Variants in BCKDHB observed in about 807,000 individuals in gnomAD.
BCKDHB encodes the protein branched chain keto acid dehydrogenase E1 subunit beta.
Under a neutral mutation model 48.5 loss-of-function variants are expected in BCKDHB, and 41 were observed. That is an observed-to-expected ratio of 0.85 (90% CI 0.66 to 1.10). BCKDHB has a LOEUF of 1.10. Ranked by LOEUF, BCKDHB falls within the 50% of genes least tolerant of loss-of-function variation. The pLI is 0.00. For missense variants in BCKDHB, 496 were observed against 494.2 expected (o/e 1.00, Z -0.03); for synonymous variants, 201 against 174.8 (o/e 1.15, Z -1.18).
the BCKDHB span, chr6:80,453,205 A>T: frequency 6.6e-6 from 1 of 152,186 alleles, no homozygotes; most frequent in Non-Finnish European, 1.5e-5. Flanking sequence ...CCTCCAGTCA[A>T]TGAAATTTCC....
chr6:80,434,142 A>G, the BCKDHB span, among the ~76,000 whole-genome samples: 1 of 151,954 alleles, frequency 6.6e-6, no homozygotes, highest in Non-Finnish European at 1.5e-5. Flanking sequence ...TTTTTCTGCC[A>G]TTATATTCTG....
chr6:80,106,836 G>A lies in BCKDHB; in HGVS notation c.143G>A (p.Arg48Lys). 1 of 1,610,254 alleles carries A rather than the reference G, an allele frequency of 6.2e-7. No individual in the cohort carries two copies. The highest frequency in any genetic ancestry group is 1.7e-5 in the Admixed American group (1 of 59,814). ...PAATVEDAAQRRQVAHFTFQP... is the reference protein window; with the variant it reads ...PAATVEDAAQKRQVAHFTFQP... Reference sequence around the variant, plus strand: ...GCGACTGTCGAGGATGCGGCCCAGAGGCGGCAGGTGGCTCATTTTACTTTC... The same window carrying A: ...GCGACTGTCGAGGATGCGGCCCAGAAGCGGCAGGTGGCTCATTTTACTTTC... Residue 48 changes from arginine (R) to lysine (K), a missense_variant, in exon 1 of 10, where the codon AGG becomes AAG. Coordinates refer to ENST00000320393, the MANE Select transcript of BCKDHB (RefSeq NM_183050.4).
the BCKDHB span, among the ~76,000 whole-genome samples, chr6:80,403,252 A>G: frequency 4.0e-5 from 6 of 151,898 alleles, no homozygotes; most frequent in East Asian, 9.7e-4. Flanking sequence ...CTTTCCATGT[A>G]TTTTTGTTTA....
chr6:80,253,378 T>G (rs1433871073), intron 8 of BCKDHB, among the ~76,000 whole-genome samples: 1 of 152,220 alleles, frequency 6.6e-6, no homozygotes, highest in Admixed American at 6.5e-5. Context: ...GATGGTCTTT[T>G]CAGGTTTCAC....
chr6:80,183,483 T>C (rs868782425), intron 6 of BCKDHB, among the ~76,000 whole-genome samples: 1 of 152,172 alleles, frequency 6.6e-6, no homozygotes. Flanking sequence ...AATTGAGAGA[T>C]AGACATGGAG....
chr6:80,360,936 CGGA>C, the BCKDHB span, among the ~76,000 whole-genome samples: 1 of 138,478 alleles, frequency 7.2e-6, no homozygotes, highest in South Asian at 2.2e-4. Flanking sequence ...ACCAGGGAGG[CGGA>C]GGTTGCAGTG....
intron 8 of BCKDHB, among the ~76,000 whole-genome samples, chr6:80,245,019 A>G (rs1048307168): frequency 3.9e-5 from 6 of 152,066 alleles, no homozygotes; most frequent in East Asian, 1.9e-4. Context: ...TGGTTCTACT[A>G]TTCTACCTCT....
At chr6:80,128,411 G>T (rs1367423405) in intron 2 of BCKDHB, among the ~76,000 whole-genome samples, 3 of 151,904 alleles carry the variant, frequency 2.0e-5, no homozygotes, top group Non-Finnish European at 4.4e-5. Context: ...TTTTTTCTTG[G>T]GGTCGATAAA....
Position 80,172,718 on chromosome 6 carries a change from T to C in BCKDHB, c.742+1328T>C, listed in dbSNP as rs569748740. On this transcript the variant is annotated intron_variant, in intron 6 of 9. Coordinates refer to ENST00000320393, the MANE Select transcript of BCKDHB (RefSeq NM_183050.4). ...TAGATCACAATTAATTCATGGCCCA[T>C]GCAACTGGGCTTCTGTTTCAATGTA... 1.4e-3 allele frequency among the ~76,000 whole-genome samples: 212 copies of C among 152,250 alleles called. 1 individual carries two copies. Among genetic ancestry groups the C allele is most frequent in the African/African-American group, 4.9e-3 (203 of 41,574 alleles).
At chr6:80,403,916 G>T in the BCKDHB span, among the ~76,000 whole-genome samples, 2 of 151,792 alleles carry the variant, frequency 1.3e-5, no homozygotes, top group Non-Finnish European at 2.9e-5. Context: ...TTTGCATCTG[G>T]GGGATAAATG....
At chr6:80,114,978 G>C (rs1249696072) in intron 1 of BCKDHB, among the ~76,000 whole-genome samples, 1 of 152,246 alleles carries the variant, frequency 6.6e-6, no homozygotes, top group Non-Finnish European at 1.5e-5. Flanking sequence ...AGGGACTCTA[G>C]ACCCAGTCTC....
At chr6:80,350,141 G>C (rs907572760), downstream of BCKDHB, among the ~76,000 whole-genome samples, 4 of 151,770 alleles carry the variant, frequency 2.6e-5, no homozygotes, top group African/African-American at 9.7e-5. Flanking sequence ...ACCCCACTTA[G>C]AAACTGTGGA....
chr6:80,174,742 T>C (rs1773074314), intron 6 of BCKDHB, among the ~76,000 whole-genome samples: 1 of 152,260 alleles, frequency 6.6e-6, no homozygotes, highest in Non-Finnish European at 1.5e-5. Flanking sequence ...GATGATTCTA[T>C]AGGGCACTGA....
the BCKDHB span, among the ~76,000 whole-genome samples, chr6:80,412,189 G>C: frequency 2.7e-5 from 4 of 149,044 alleles, no homozygotes; most frequent in East Asian, 8.0e-4. Flanking sequence ...TGTCACCCAG[G>C]CTGGAGTGCA....
chr6:80,110,329 G>C (rs1239388144), intron 1 of BCKDHB, among the ~76,000 whole-genome samples: 1 of 152,170 alleles, frequency 6.6e-6, no homozygotes, highest in Non-Finnish European at 1.5e-5. Flanking sequence ...ACCTGTCGGA[G>C]GGTAATCTGA....
At position 80,284,405 on chromosome 6, in the gene BCKDHB, G is replaced by T. The variant is rs1370054857; in HGVS notation, c.1038+11184G>T. Among the ~76,000 whole-genome samples the T allele has an allele frequency of 2.0e-5, 3 of 152,082 alleles. No individual in the cohort carries two copies. The East Asian group carries it at 5.8e-4, about 29-fold the overall frequency. Reference sequence around the variant, plus strand: ...ATTTTTCAAATCTATCAATATTAATGTGAGTCTTTAAGATATCTGAAAATT... The same window carrying T: ...ATTTTTCAAATCTATCAATATTAATTTGAGTCTTTAAGATATCTGAAAATT... On this transcript the variant is annotated intron_variant, in intron 9 of 9. Transcript: ENST00000320393.
At chr6:80,190,207 T>C (rs1026602625) in intron 6 of BCKDHB, among the ~76,000 whole-genome samples, 1 of 152,162 alleles carries the variant, frequency 6.6e-6, no homozygotes, top group Non-Finnish European at 1.5e-5. Context: ...TGTGAGAGAA[T>C]TCTAGATTTA....
At chr6:80,173,933 A>G (rs1222103590) in intron 6 of BCKDHB, among the ~76,000 whole-genome samples, 4 of 151,860 alleles carry the variant, frequency 2.6e-5, no homozygotes, top group African/African-American at 9.7e-5. Flanking sequence ...GGAATGGTGC[A>G]TTGTGATTCA....
At position 80,294,460 on chromosome 6, in the gene BCKDHB, G is replaced by A. The variant is rs141812728; in HGVS notation, c.1038+21239G>A. Among the ~76,000 whole-genome samples the A allele has an allele frequency of 6.3e-3, 966 of 152,308 alleles. 5 individuals are homozygous for A. The highest frequency in any genetic ancestry group is 0.011 in the Non-Finnish European group (722 of 68,024). On this transcript the variant is annotated intron_variant, in intron 9 of 9. Transcript: ENST00000320393. ...GGGAAGACAACCGTTAGGTCTGACCGCCTGTGGGGTTGGACAAAAAGAGCC... is the reference window on the plus strand; with the variant it reads ...GGGAAGACAACCGTTAGGTCTGACCACCTGTGGGGTTGGACAAAAAGAGCC...
Sources: gnomAD v4.1 joint callset for allele counts (sites outside exome capture counted in the v4.1 genomes callset) on GRCh38, gnomAD v4.1.1 for gene constraint, MANE v1.5 for transcripts, NCBI Gene and HGNC (gene_info 2026-07-23, HGNC 2026-07-21) for gene names.